The following WDR89 variants were observed in gnomAD, a reference collection of about 807,000 sequenced individuals.
WDR89 encodes WD repeat domain 89, also known as WD repeat-containing protein 89.
In WDR89, 17 loss-of-function variants were observed where a neutral mutation model predicts 29.1. The observed-to-expected ratio is 0.58, with a 90% confidence interval of 0.40 to 0.88. The LOEUF is 0.88. WDR89 is among the 40% of genes least tolerant of loss of function. The pLI is 0.00. For synonymous variants in WDR89, 138 were observed against 157.8 expected, an observed-to-expected ratio of 0.87 and a Z score of 0.94; for missense variants, 396 against 456.3, an observed-to-expected ratio of 0.87 and a Z score of 1.20.
intron 1 of WDR89, among the ~76,000 whole-genome samples, chr14:63,631,063 C>G (rs547658088): frequency 1.3e-5 from 2 of 152,300 alleles, no homozygotes; most frequent in Admixed American, 1.3e-4. Flanking sequence ...CTGGGCCCAG[C>G]CTGTACTGTC....
intron 2 of WDR89, among the ~76,000 whole-genome samples, chr14:63,612,171 A>G (rs1159664249): frequency 6.6e-6 from 1 of 152,148 alleles, no homozygotes; most frequent in South Asian, 2.1e-4. Context: ...TAGCAGGCCA[A>G]TCAGGACTAC....
chr14:63,601,550 A>C (rs1193816817), intron 2 of WDR89: 1 of 1,581,608 alleles, frequency 6.3e-7, no homozygotes, highest in East Asian at 2.2e-5. Context: ...TCTTTGACCG[A>C]GTATTGGTTG....
At chr14:63,617,974 CTG>C (rs1254493978) in intron 2 of WDR89, 4 of 151,950 alleles carry the variant, frequency 2.6e-5, no homozygotes, top group Non-Finnish European at 5.9e-5. Context: ...GAGATAGAAA[CTG>C]AGAAACAGAA....
At chr14:63,604,203 T>C (rs945266348) in intron 2 of WDR89, among the ~76,000 whole-genome samples, 3 of 152,176 alleles carry the variant, frequency 2.0e-5, no homozygotes, top group Admixed American at 2.0e-4. Flanking sequence ...GGCAGGCAGA[T>C]TGCTTGAGCC....
At chr14:63,629,876 C>T (rs1359198319) in intron 1 of WDR89, among the ~76,000 whole-genome samples, 3 of 152,056 alleles carry the variant, frequency 2.0e-5, no homozygotes, top group African/African-American at 2.4e-5. Context: ...ACAGCAGCTA[C>T]GTTAAACTAT....
At chr14:63,626,015 A>T (rs1225249682) in intron 1 of WDR89, among the ~76,000 whole-genome samples, 1 of 151,872 alleles carries the variant, frequency 6.6e-6, no homozygotes, top group African/African-American at 2.4e-5. Flanking sequence ...TGCCACACCC[A>T]GCTAATTTTT....
intron 2 of WDR89, among the ~76,000 whole-genome samples, chr14:63,605,289 T>C (rs1171434784): frequency 1.3e-5 from 2 of 151,648 alleles, no homozygotes; most frequent in African/African-American, 4.9e-5. Context: ...TGCAAATTCA[T>C]GGCACAATGC....
At chr14:63,640,844 T>A (rs953477892) in intron 1 of WDR89, among the ~76,000 whole-genome samples, 4 of 146,078 alleles carry the variant, frequency 2.7e-5, no homozygotes, top group African/African-American at 9.9e-5. Context: ...ACGCCTGTAA[T>A]CCCAGCACTT....
chr14:63,633,868 G>A (rs959390445), intron 1 of WDR89, among the ~76,000 whole-genome samples: 1 of 152,182 alleles, frequency 6.6e-6, no homozygotes, highest in Non-Finnish European at 1.5e-5. Context: ...AGATGTGAAG[G>A]ATAAAAAGAA....
chr14:63,640,800 A>T lies in WDR89; in HGVS notation c.-138+1004T>A, dbSNP rs556145285. ...CTTTTATTGACTTTAAATAATTTCAAATTAATAAAGAAAACGGCCGGGCAC... is the reference window on the plus strand; with the variant it reads ...CTTTTATTGACTTTAAATAATTTCATATTAATAAAGAAAACGGCCGGGCAC... On this transcript the variant is annotated intron_variant, in intron 1 of 2. Coordinates refer to ENST00000620954, the MANE Select transcript of WDR89 (RefSeq NM_080666.4). 1.3e-3 allele frequency among the ~76,000 whole-genome samples: 190 copies of T among 150,300 alleles called. 3 individuals carry two copies. The highest frequency in any genetic ancestry group is 2.0e-3 in the Non-Finnish European group (132 of 67,568).
chr14:63,635,140 C>T (rs1445014131), intron 1 of WDR89, among the ~76,000 whole-genome samples: 1 of 152,148 alleles, frequency 6.6e-6, no homozygotes, highest in Admixed American at 6.6e-5. Context: ...AAGCCAGCAT[C>T]ACCCTAATAC....
rs1188630628 is a variant in WDR89 at position 63,602,586 on chromosome 14, G to A, written c.-31-2613C>T. Among the ~76,000 whole-genome samples the A allele has an allele frequency of 3.4e-5, 5 of 147,442 alleles. No homozygotes were observed. In the East Asian group the frequency reaches 6.2e-4, roughly 18 times the overall value. On this transcript the variant is annotated intron_variant, in intron 2 of 2. Coordinates refer to ENST00000620954, the MANE Select transcript of WDR89 (RefSeq NM_080666.4). ...TCGGGAGATTGAGACCAGTCTGACC[G>A]ACATGGAAAAACCCCGTCTCTATTA... is the stretch of plus-strand genomic sequence containing the variant.
Position 63,598,839 on chromosome 14 carries a change from A to G in WDR89, c.1104T>C (p.Ser368=). The G allele has an allele frequency of 1.2e-6, 2 of 1,613,886 alleles. No homozygotes were observed. The highest frequency in any genetic ancestry group is 1.7e-6 in the Non-Finnish European group (2 of 1,179,890). ...TATGAACTCGTACTCGTTGGTGCAC[A>G]GAGGATGCTATTTTCATACTCTCTT... ...TKKESMKIAS[S]VHQRVRVHSN... Residue 368 remains serine (S), a synonymous_variant, in exon 3 of 3, where the codon TCT becomes TCC. Transcript: ENST00000620954.
At chr14:63,623,938 G>GT (rs1882874078) in intron 2 of WDR89, among the ~76,000 whole-genome samples, 3 of 151,844 alleles carry the variant, frequency 2.0e-5, no homozygotes, top group Admixed American at 6.6e-5. Flanking sequence ...TTAATAAAAA[G>GT]AAAGCTGCAA....
chr14:63,604,002 T>C lies in WDR89; in HGVS notation c.-31-4029A>G, dbSNP rs1027240956. Among the ~76,000 whole-genome samples the C allele has an allele frequency of 2.6e-4, 39 of 152,212 alleles. 2 individuals carry two copies. The highest frequency in any genetic ancestry group is 2.1e-4 in the South Asian group (1 of 4,836). The stretch of plus-strand genomic sequence containing the variant: ...TTCTTTCCCTGCATGTCTGCATGAG[T>C]GACTCCTTCCTGTTATTCAGGTCTC... On this transcript the variant is annotated intron_variant, in intron 2 of 2. Transcript: ENST00000620954.
At chr14:63,612,329 GTT>G (rs554114500) in intron 2 of WDR89, among the ~76,000 whole-genome samples, 1 of 140,032 alleles carries the variant, frequency 7.1e-6, no homozygotes, top group Non-Finnish European at 1.6e-5. Flanking sequence ...AAAATTTCAA[GTT>G]TTTTTTTTTT....
chr14:63,616,435 T>G (rs1264859267), intron 2 of WDR89, among the ~76,000 whole-genome samples: 1 of 151,866 alleles, frequency 6.6e-6, no homozygotes. Context: ...ATAATAAAAA[T>G]AGTGAGGAGT....
chr14:63,641,015 T>C (rs1239111775), intron 1 of WDR89, among the ~76,000 whole-genome samples: 2 of 147,928 alleles, frequency 1.4e-5, no homozygotes, highest in African/African-American at 2.5e-5. Flanking sequence ...GGAGAATCGC[T>C]TGAACCCGGG....
intron 1 of WDR89, among the ~76,000 whole-genome samples, chr14:63,631,654 C>G (rs1272746267): frequency 6.6e-6 from 1 of 152,040 alleles, no homozygotes; most frequent in Non-Finnish European, 1.5e-5. Flanking sequence ...TCTCTTGTAC[C>G]TGGGATTACA....
Sources: gnomAD v4.1 joint callset for allele counts (sites outside exome capture counted in the v4.1 genomes callset) on GRCh38, gnomAD v4.1.1 for gene constraint, MANE v1.5 for transcripts, NCBI Gene and HGNC (gene_info 2026-07-23, HGNC 2026-07-21) for gene names.